ALS2: variants seen among roughly 807,000 people sequenced by gnomAD.
ALS2 encodes alsin.
A neutral mutation model predicts 203.4 loss-of-function variants in ALS2; 117 were observed. The ratio of observed to expected loss-of-function variants is 0.58; its 90% CI spans 0.50 to 0.67. The LOEUF (loss-of-function observed/expected upper bound fraction) is 0.67, where lower values mean the gene tolerates loss of function less well. Ranked by LOEUF, ALS2 falls within the 30% of genes least tolerant of loss-of-function variation. The pLI is 0.00. For synonymous variants in ALS2, 718 were observed against 725.9 expected (o/e 0.99, Z 0.17); for missense variants, 1,715 against 1,989.4 (o/e 0.86, Z 2.62).
intron 33 of ALS2, among the ~76,000 whole-genome samples, chr2:201,702,312 G>T (rs1021418495): frequency 1.3e-5 from 2 of 151,834 alleles, no homozygotes; most frequent in South Asian, 2.1e-4. Context: ...TAACTTCCAA[G>T]AATGCATTTT....
At chr2:201,729,494 T>G (rs1386379239) in intron 13 of ALS2, among the ~76,000 whole-genome samples, 1 of 152,168 alleles carries the variant, frequency 6.6e-6, no homozygotes, top group Non-Finnish European at 1.5e-5. Flanking sequence ...CGGGATCCCT[T>G]TATTTTTCTT....
intron 13 of ALS2, 75 bp downstream of exon 13, chr2:201,733,201 T>A: frequency 6.9e-7 from 1 of 1,459,516 alleles, no homozygotes; most frequent in Non-Finnish European, 9.5e-7. Flanking sequence ...CCAGATCTTG[T>A]GGTGGCATAA....
rs1370430297 is a variant in ALS2, at chr2:201,741,814, C to G, written c.2211G>C (p.Glu737Asp). Reference protein sequence around the residue: ...GTTTTVQLLQEVASRFSKLCY... With the variant: ...GTTTTVQLLQDVASRFSKLCY... ...ACAGCTTGCTGAATCGGCTAGCCAC[C>G]TCCTGCAACAGCTGGACTGTAGTTG... is the stretch of plus-strand genomic sequence containing the variant. The change falls in exon 11 of 34, where the codon GAG becomes GAC. Residue 737 changes from glutamate to aspartate, a missense_variant. Glu to Asp is a conservative substitution (Grantham distance 45). Transcript: ENST00000264276. 1 of 1,613,978 alleles carries G rather than the reference C, an allele frequency of 6.2e-7. No homozygotes were observed. The highest frequency in any genetic ancestry group is 1.7e-5 in the Admixed American group (1 of 59,988).
intron 11 of ALS2, among the ~76,000 whole-genome samples, chr2:201,740,983 T>C (rs1692229585): frequency 6.6e-6 from 1 of 152,072 alleles, no homozygotes; most frequent in African/African-American, 2.4e-5. Context: ...TGCTGGATGG[T>C]TGAGGTGTGA....
rs202235241 is a variant in ALS2, at chr2:201,775,255, T to C, written c.-61+5622A>G. ...CATGTAGCCATTAACACTTCCTTTT[T>C]AAAGTCTGAGTTGGTTACATTTTAT... On this transcript the variant is annotated intron_variant, in intron 1 of 33. Transcript: ENST00000264276. Among the ~76,000 whole-genome samples the C allele has an allele frequency of 2.6e-5, 4 of 152,354 alleles. No individual in the cohort carries two copies. In the East Asian group the frequency reaches 5.8e-4, roughly 22 times the overall value.
At chr2:201,705,393 G>A in intron 30 of ALS2, 23 bp downstream of exon 30, 3 of 1,611,992 alleles carry the variant, frequency 1.9e-6, no homozygotes, top group Non-Finnish European at 2.5e-6. Context: ...CATATTTGCT[G>A]AGGAAAAGAA....
At chr2:201,735,299 G>A (rs534755803) in intron 12 of ALS2, among the ~76,000 whole-genome samples, 4 of 152,088 alleles carry the variant, frequency 2.6e-5, no homozygotes, top group Non-Finnish European at 5.9e-5. Flanking sequence ...ATACAACATT[G>A]CGAATGTATT....
intron 23 of ALS2, among the ~76,000 whole-genome samples, chr2:201,718,981 A>T (rs1185813841): frequency 6.6e-6 from 1 of 152,202 alleles, no homozygotes; most frequent in East Asian, 1.9e-4. Flanking sequence ...AAATCAGTAA[A>T]TGAGATAGAA....
rs753184563 is a variant in ALS2 at position 201,723,088 on chromosome 2, A to G, written c.3657T>C (p.Thr1219=). 1 of 1,613,826 alleles carries G rather than the reference A, an allele frequency of 6.2e-7. No individual in the cohort carries two copies. The highest frequency in any genetic ancestry group is 1.1e-5 in the South Asian group (1 of 91,066). ...GNGVLLSEDD[T]IYEGEFSDDW... is the part of the protein sequence containing the mutation. Reference sequence around the variant, plus strand: ...CATCTGAAAATTCTCCTTCATAGATAGTATCATCTTCGGAAAGCAAAACCC... The same window carrying G: ...CATCTGAAAATTCTCCTTCATAGATGGTATCATCTTCGGAAAGCAAAACCC... Residue 1219 remains threonine (T), a synonymous_variant, in exon 23 of 34, where the codon ACT becomes ACC. Coordinates refer to ENST00000264276, the MANE Select transcript of ALS2 (RefSeq NM_020919.4).
rs1689351656 is a variant in ALS2 at position 201,700,933 on chromosome 2, G to A, written c.*918C>T. The A allele has an allele frequency of 6.6e-6, 1 of 152,260 alleles. No homozygotes were observed. Among genetic ancestry groups the A allele is most frequent in the Admixed American group, 6.5e-5 (1 of 15,278 alleles). 9.4% of individuals were successfully genotyped at this position (152,260 alleles called of 1,614,324 possible). On this transcript the variant is annotated 3_prime_UTR_variant, in exon 34 of 34. Transcript: ENST00000264276. ...TTTCTTCCCATCCTGAGTTCAGTGT[G>A]AAGTATAGGGAAGAACAACACCAGG...
chr2:201,734,475 A>AAAAAAAAAAAAAAG (rs1691758593), intron 12 of ALS2, among the ~76,000 whole-genome samples: 1 of 152,134 alleles, frequency 6.6e-6, no homozygotes, highest in African/African-American at 2.4e-5. Flanking sequence ...CTCAAAAAAA[A>AAAAAAAAAAAAAAG]AAAAAGATCT....
At chr2:201,750,915 G>A (rs572502291) in intron 7 of ALS2, among the ~76,000 whole-genome samples, 28 of 149,002 alleles carry the variant, frequency 1.9e-4, no homozygotes, top group Middle Eastern at 3.5e-3. Flanking sequence ...GCACAATGGC[G>A]CAATCTTGGC....
chr2:201,749,673 G>A, intron 8 of ALS2, 39 bp downstream of exon 8: 1 of 1,514,612 alleles, frequency 6.6e-7, no homozygotes, highest in Non-Finnish European at 9.2e-7. Context: ...TTACAGCTAA[G>A]AATTGTGGAA....
intron 8 of ALS2, among the ~76,000 whole-genome samples, chr2:201,746,966 T>A (rs925718651): frequency 2.0e-5 from 3 of 152,164 alleles, no homozygotes; most frequent in Admixed American, 6.5e-5. Flanking sequence ...ACTGTTTTTA[T>A]AAAAATCTGA....
At position 201,729,158 on chromosome 2, in the gene ALS2, T is replaced by G. The variant is rs1355321952; in HGVS notation, c.2606A>C (p.Gln869Pro). The stretch of plus-strand genomic sequence containing the variant: ...ACACTCATAACAAGAACTGGAATCC[T>G]GCAGTTTCTGATATTCTGGAGATGC... ...EVASPEYQKL[Q>P]DSSSCYECLA... Residue 869 changes from glutamine (Q) to proline (P), a missense_variant, in exon 14 of 34, where the codon CAG (glutamine) becomes CCG (proline). Transcript: ENST00000264276. 33 of 1,613,590 alleles carry G rather than the reference T, an allele frequency of 2.0e-5. No homozygotes were observed. The highest frequency in any genetic ancestry group is 2.6e-5 in the Non-Finnish European group (31 of 1,179,962).
intron 11 of ALS2, among the ~76,000 whole-genome samples, chr2:201,739,571 C>T (rs770984510): frequency 2.2e-4 from 34 of 151,608 alleles, no homozygotes; most frequent in Admixed American, 3.3e-4. Context: ...GGTGAAACCC[C>T]GTCTCTACTA....
intron 1 of ALS2, among the ~76,000 whole-genome samples, chr2:201,778,263 G>T (rs957440958): frequency 6.6e-6 from 1 of 152,152 alleles, no homozygotes; most frequent in South Asian, 2.1e-4. Flanking sequence ...TGGAATTAAT[G>T]AGATGAAAGC....
rs773487318 is a variant in ALS2 at position 201,718,214 on chromosome 2, G to A, written c.3703-4C>T. 11 of 1,610,894 alleles carry A rather than the reference G, an allele frequency of 6.8e-6. No individual in the cohort carries two copies. Among genetic ancestry groups the A allele is most frequent in the Non-Finnish European group, 9.3e-6 (11 of 1,177,348 alleles). On this transcript the variant is annotated splice_polypyrimidine_tract_variant and splice_region_variant and intron_variant, in intron 23 of 33. Transcript: ENST00000264276. ...CATTTGGCATAGTCAGTGTTCCCTA[G>A]GTAAAGTCAGAGAATAAAATGTGGG...
chr2:201,776,242 C>T lies in ALS2; in HGVS notation c.-61+4635G>A, dbSNP rs577914889. 2.6e-5 allele frequency among the ~76,000 whole-genome samples: 4 copies of T among 152,206 alleles called. No individual in the cohort carries two copies. The East Asian group carries it at 7.7e-4, about 29-fold the overall frequency. Reference sequence around the variant, plus strand: ...CCCTTTCTCCTTAGTACACAGACAGCTTTTGGTGCAATGAGAAACAGGAAG... The same window carrying T: ...CCCTTTCTCCTTAGTACACAGACAGTTTTTGGTGCAATGAGAAACAGGAAG... On this transcript the variant is annotated intron_variant, in intron 1 of 33. Coordinates refer to ENST00000264276, the MANE Select transcript of ALS2 (RefSeq NM_020919.4).
Sources: gnomAD v4.1 joint callset for allele counts (sites outside exome capture counted in the v4.1 genomes callset) on GRCh38, gnomAD v4.1.1 for gene constraint, MANE v1.5 for transcripts, NCBI Gene and HGNC (gene_info 2026-07-23, HGNC 2026-07-21) for gene names.